Variants in RBM47 observed in about 807,000 individuals in gnomAD.
RBM47 encodes the protein RNA-binding protein 47.
In RBM47, 21 loss-of-function variants were observed where a neutral mutation model predicts 47.1. That is an observed-to-expected ratio of 0.45 (90% CI 0.32 to 0.64). The LOEUF (loss-of-function observed/expected upper bound fraction) is 0.64, where lower values mean the gene tolerates loss of function less well. Ranked by LOEUF, RBM47 falls within the 30% of genes least tolerant of loss-of-function variation. RBM47 has a pLI of 0.05. For missense variants in RBM47, 708 were observed against 870.9 expected (o/e 0.81, Z 2.35); for synonymous variants, 375 against 361.7 (o/e 1.04, Z -0.42).
At chr4:40,445,951 A>C (rs1560370639) in intron 3 of RBM47, among the ~76,000 whole-genome samples, 1 of 152,196 alleles carries the variant, frequency 6.6e-6, no homozygotes, top group Non-Finnish European at 1.5e-5. Context: ...TCCATTCACC[A>C]TGTGACAGTT....
chr4:40,437,171 T>TATATATATAATACATATATATATAA (rs1553877846), intron 4 of RBM47, among the ~76,000 whole-genome samples: 1 of 92,362 alleles, frequency 1.1e-5, no homozygotes, highest in African/African-American at 5.3e-5. Flanking sequence ...TATATATATA[T>TATATATATAATACATATATATATAA]AATACATATA....
intron 1 of RBM47, among the ~76,000 whole-genome samples, chr4:40,625,125 G>C (rs1456353685): frequency 6.6e-6 from 1 of 152,096 alleles, no homozygotes; most frequent in Non-Finnish European, 1.5e-5. Context: ...TGGGATTACA[G>C]ACATGAGCCA....
intron 1 of RBM47, among the ~76,000 whole-genome samples, chr4:40,610,107 A>C (rs1445102429): frequency 2.0e-5 from 3 of 151,814 alleles, no homozygotes; most frequent in African/African-American, 4.8e-5. Context: ...AAAAACAAAC[A>C]AACAAACAAA....
intron 3 of RBM47, among the ~76,000 whole-genome samples, chr4:40,452,261 A>C (rs1485408503): frequency 6.6e-6 from 1 of 152,142 alleles, no homozygotes; most frequent in African/African-American, 2.4e-5. Context: ...GAATGGTCTC[A>C]AATAGCTGAA....
chr4:40,629,301 GAGA>G (rs1181294091), intron 1 of RBM47, 92 bp downstream of exon 1: 1 of 152,126 alleles, frequency 6.6e-6, no homozygotes. Flanking sequence ...GAGCTAAAGA[GAGA>G]AGAATAAGAA....
intron 2 of RBM47, among the ~76,000 whole-genome samples, chr4:40,528,805 T>C (rs1727032316): frequency 6.6e-6 from 1 of 151,238 alleles, no homozygotes; most frequent in African/African-American, 2.4e-5. Context: ...TAGCTGGGCA[T>C]GGTGGCATGC....
chr4:40,454,728 C>T (rs1715972893), intron 3 of RBM47, among the ~76,000 whole-genome samples: 1 of 152,140 alleles, frequency 6.6e-6, no homozygotes, highest in Non-Finnish European at 1.5e-5. Context: ...GACCTCCTGA[C>T]CTCAGGTGAT....
At chr4:40,551,068 G>A (rs1351414048) in intron 1 of RBM47, among the ~76,000 whole-genome samples, 2 of 152,110 alleles carry the variant, frequency 1.3e-5, no homozygotes, top group Non-Finnish European at 2.9e-5. Context: ...CACAAAAGTG[G>A]GCTGTTAGGA....
intron 1 of RBM47, among the ~76,000 whole-genome samples, chr4:40,588,988 G>GTT (rs1733862051): frequency 2.3e-5 from 3 of 132,548 alleles, no homozygotes; most frequent in Admixed American, 7.9e-5. Context: ...TAGCTAAAGC[G>GTT]TTTCTTTTTT....
chr4:40,480,141 C>T (rs1220139088), intron 2 of RBM47, among the ~76,000 whole-genome samples: 3 of 151,958 alleles, frequency 2.0e-5, no homozygotes, highest in African/African-American at 7.3e-5. Context: ...CCATGCCTGA[C>T]TAATTTTTGT....
chr4:40,590,980 T>G (rs184000530), intron 1 of RBM47, among the ~76,000 whole-genome samples: 1 of 152,244 alleles, frequency 6.6e-6, no homozygotes, highest in East Asian at 1.9e-4. Flanking sequence ...TTTTTGTATT[T>G]TTAGTAGAGT....
At chr4:40,595,095 G>A (rs968793534) in intron 1 of RBM47, among the ~76,000 whole-genome samples, 3 of 152,132 alleles carry the variant, frequency 2.0e-5, no homozygotes, top group Admixed American at 2.0e-4. Context: ...AGCACCCCGT[G>A]TGCTTAACAC....
chr4:40,577,369 A>G (rs1178155686), intron 1 of RBM47, among the ~76,000 whole-genome samples: 1 of 152,262 alleles, frequency 6.6e-6, no homozygotes, highest in East Asian at 1.9e-4. Context: ...CATGTTGTCA[A>G]GAGTCCTCAG....
At chr4:40,624,026 A>AT (rs1737508730) in intron 1 of RBM47, among the ~76,000 whole-genome samples, 1 of 151,988 alleles carries the variant, frequency 6.6e-6, no homozygotes, top group South Asian at 2.1e-4. Context: ...TAATTTTTGT[A>AT]TTTTTTGTAG....
At chr4:40,600,999 A>AAAAAAAAAAAAAAAAAAGAAAG (rs1338188731) in intron 1 of RBM47, among the ~76,000 whole-genome samples, 2 of 147,364 alleles carry the variant, frequency 1.4e-5, no homozygotes, top group African/African-American at 5.3e-5. Context: ...AAAAAAAAAA[A>AAAAAAAAAAAAAAAAAAGAAAG]AAAGAAAGAA....
At chr4:40,446,566 C>T (rs2154217309) in intron 3 of RBM47, among the ~76,000 whole-genome samples, 1 of 151,678 alleles carries the variant, frequency 6.6e-6, no homozygotes, top group African/African-American at 2.4e-5. Flanking sequence ...AGTGAGACCC[C>T]ATCTCTACAA....
At chr4:40,581,776 G>C (rs573852801) in intron 1 of RBM47, among the ~76,000 whole-genome samples, 1 of 152,072 alleles carries the variant, frequency 6.6e-6, no homozygotes, top group African/African-American at 2.4e-5. Flanking sequence ...TCCTGCAAGA[G>C]GGAAAAGAAG....
intron 2 of RBM47, among the ~76,000 whole-genome samples, chr4:40,540,469 A>G (rs423275): frequency 0.52 from 78,495 of 151,244 alleles, 23,860 homozygotes; most frequent in African/African-American, 0.86. Flanking sequence ...GAGAAACCCC[A>G]TCTCTACTAA....
chr4:40,498,054 T>TATATATATATATATATATATATA (rs1553890650), intron 2 of RBM47, among the ~76,000 whole-genome samples: 51 of 109,830 alleles, frequency 4.6e-4, no homozygotes, highest in African/African-American at 1.1e-3. Context: ...AGTGCTTGTT[T>TATATATATATATATATATATATA]TATATATATA....
Sources: allele counts gnomAD v4.1 joint callset (sites outside exome capture counted in the v4.1 genomes callset), GRCh38; gene constraint gnomAD v4.1.1; transcripts MANE v1.5; gene names NCBI Gene and HGNC (gene_info 2026-07-23, HGNC 2026-07-21).